SYNPR: variants seen among roughly 807,000 people sequenced by gnomAD.
SYNPR encodes synaptoporin.
SYNPR carries 23 observed loss-of-function variants against 32.9 expected under a neutral mutation model. That is an observed-to-expected ratio of 0.70 (90% CI 0.50 to 0.99). SYNPR has a LOEUF of 0.99. SYNPR is among the 50% of genes least tolerant of loss of function. The probability of loss-of-function intolerance (pLI) is 0.00; values close to 1 mark genes in which losing one functional copy is unlikely to be tolerated. For synonymous variants in SYNPR, 146 were observed against 135.9 expected (o/e 1.07, Z -0.52); for missense variants, 318 against 349.3 (o/e 0.91, Z 0.71).
intron 2 of SYNPR, among the ~76,000 whole-genome samples, chr3:63,286,382 A>C (rs6768281): frequency 0.46 from 70,549 of 151,984 alleles, 16,561 homozygotes; most frequent in Middle Eastern, 0.52. Context: ...AGTGGCCCCA[A>C]CTGAATTCTC....
intron 2 of SYNPR, among the ~76,000 whole-genome samples, chr3:63,257,087 T>C (rs1269275222): frequency 6.6e-6 from 1 of 152,228 alleles, no homozygotes; most frequent in East Asian, 1.9e-4. Flanking sequence ...ACCAAATCTA[T>C]ATCTGATTGG....
rs568564775 is a variant in SYNPR at position 63,343,573 on chromosome 3, G to A, written c.84+64831G>A. Among the ~76,000 whole-genome samples the A allele has an allele frequency of 8.5e-5, 13 of 152,088 alleles. No individual in the cohort carries two copies. The South Asian group carries it at 2.1e-3, about 24-fold the overall frequency. Reference sequence around the variant, plus strand: ...GGTACAACCCTCCTTTTTTTGTTGAGCTTCCAACGCAGCTACCTCTTTTTC... The same window carrying A: ...GGTACAACCCTCCTTTTTTTGTTGAACTTCCAACGCAGCTACCTCTTTTTC... On this transcript the variant is annotated intron_variant, in intron 2 of 5. Coordinates refer to ENST00000478300, the MANE Select transcript of SYNPR (RefSeq NM_001130003.2).
intron 3 of SYNPR, among the ~76,000 whole-genome samples, chr3:63,548,544 T>C (rs1484786778): frequency 6.6e-6 from 1 of 152,184 alleles, no homozygotes; most frequent in Non-Finnish European, 1.5e-5. Context: ...CACATACATA[T>C]GGCTAGCTAA....
intron 1 of SYNPR, among the ~76,000 whole-genome samples, chr3:63,243,525 C>A (rs561584534): frequency 1.5e-4 from 23 of 152,116 alleles, no homozygotes; most frequent in African/African-American, 5.3e-4. Flanking sequence ...GGGAAAAAGA[C>A]AATGGAATAG....
chr3:63,521,371 T>C (rs1484016766), intron 3 of SYNPR, among the ~76,000 whole-genome samples: 1 of 152,316 alleles, frequency 6.6e-6, no homozygotes, highest in East Asian at 1.9e-4. Context: ...CTGAGTATCT[T>C]TGTAGAATCC....
At chr3:63,331,557 C>T (rs1328227515) in intron 2 of SYNPR, among the ~76,000 whole-genome samples, 1 of 152,100 alleles carries the variant, frequency 6.6e-6, no homozygotes, top group Non-Finnish European at 1.5e-5. Flanking sequence ...TATACTAACG[C>T]TTTGAAGCTC....
chr3:63,334,553 TGTGTGG>T (rs1171246211), intron 2 of SYNPR, among the ~76,000 whole-genome samples: 1 of 132,084 alleles, frequency 7.6e-6, no homozygotes, highest in African/African-American at 2.8e-5. Context: ...TGTGTGTGTG[TGTGTGG>T]ACACACGTGG....
chr3:63,484,147 C>A (rs1286271241), intron 3 of SYNPR, among the ~76,000 whole-genome samples: 1 of 152,164 alleles, frequency 6.6e-6, no homozygotes, highest in African/African-American at 2.4e-5. Context: ...TCCTTTACAG[C>A]ACCATATGTA....
chr3:63,271,800 C>CTA (rs1267923429), intron 3 of SYNPR, among the ~76,000 whole-genome samples: 1 of 151,916 alleles, frequency 6.6e-6, no homozygotes, highest in East Asian at 1.9e-4. Context: ...TATATAGCAT[C>CTA]TATATATATC....
intron 3 of SYNPR, among the ~76,000 whole-genome samples, chr3:63,536,063 C>T (rs375575194): frequency 2.0e-5 from 3 of 151,810 alleles, no homozygotes; most frequent in Admixed American, 2.0e-4. Context: ...GCCAAAAATT[C>T]GAGACCAGCC....
chr3:63,462,707 C>A, intron 2 of SYNPR, among the ~76,000 whole-genome samples: 1 of 152,108 alleles, frequency 6.6e-6, no homozygotes, highest in Non-Finnish European at 1.5e-5. Context: ...ATGATGATAT[C>A]CTCTTCATCT....
rs1700037267 is a variant in SYNPR at position 63,434,026 on chromosome 3, GGAAT to G, written c.85-46805_85-46802del. ...CAGAGTGGGGAGAGTGCTTTCAGATGGAATCTTAAACAAGCAGATCATGACTAGG... is the reference window on the plus strand; with the variant it reads ...CAGAGTGGGGAGAGTGCTTTCAGATGCTTAAACAAGCAGATCATGACTAGG... On this transcript the variant is annotated intron_variant, in intron 2 of 5. Coordinates refer to ENST00000478300, the MANE Select transcript of SYNPR (RefSeq NM_001130003.2). Among the ~76,000 whole-genome samples the G allele has an allele frequency of 3.3e-5, 5 of 152,154 alleles. No individual in the cohort carries two copies. The South Asian group carries it at 1.0e-3, about 32-fold the overall frequency.
intron 2 of SYNPR, among the ~76,000 whole-genome samples, chr3:63,440,038 C>T (rs1449623965): frequency 6.6e-6 from 1 of 151,964 alleles, no homozygotes; most frequent in Non-Finnish European, 1.5e-5. Context: ...AATAAATGAA[C>T]AAATAAATAA....
chr3:63,579,901 C>G (rs998408363), intron 4 of SYNPR, among the ~76,000 whole-genome samples: 1 of 149,498 alleles, frequency 6.7e-6, no homozygotes, highest in Non-Finnish European at 1.5e-5. Context: ...TCTTGAATGC[C>G]AAGTATTAGG....
intron 2 of SYNPR, among the ~76,000 whole-genome samples, chr3:63,463,643 C>T (rs528553721): frequency 1.2e-4 from 18 of 152,130 alleles, no homozygotes; most frequent in Admixed American, 3.3e-4. Context: ...CCACCATGTC[C>T]GCATGACAAT....
chr3:63,548,708 A>T (rs1024181209), intron 3 of SYNPR, among the ~76,000 whole-genome samples: 5 of 152,184 alleles, frequency 3.3e-5, no homozygotes, highest in Non-Finnish European at 5.9e-5. Flanking sequence ...AAACGTACTC[A>T]GCACTACAAT....
intron 2 of SYNPR, among the ~76,000 whole-genome samples, chr3:63,471,609 T>TG (rs1700799634): frequency 6.6e-6 from 1 of 152,072 alleles, no homozygotes; most frequent in African/African-American, 2.4e-5. Flanking sequence ...GTATAGGGAG[T>TG]GGAGCATGAG....
intron 2 of SYNPR, among the ~76,000 whole-genome samples, chr3:63,414,960 G>A (rs2088520615): frequency 6.6e-6 from 1 of 152,116 alleles, no homozygotes; most frequent in South Asian, 2.1e-4. Context: ...ATGTGCTACT[G>A]CAGGCTTTTA....
chr3:63,494,473 A>ATT (rs1701329487), intron 3 of SYNPR, among the ~76,000 whole-genome samples: 2 of 135,146 alleles, frequency 1.5e-5, no homozygotes, highest in Admixed American at 1.5e-4. Context: ...ATATACACAT[A>ATT]TATACATATA....
Sources: allele counts gnomAD v4.1 joint callset (sites outside exome capture counted in the v4.1 genomes callset), GRCh38; gene constraint gnomAD v4.1.1; transcripts MANE v1.5; gene names NCBI Gene and HGNC (gene_info 2026-07-23, HGNC 2026-07-21).